Variants in ZNF384 observed in about 807,000 individuals in gnomAD.
ZNF384 encodes the protein CAG repeat protein 1.
A neutral mutation model predicts 65.0 loss-of-function variants in ZNF384; 20 were observed. That is an observed-to-expected ratio of 0.31 (90% confidence interval 0.22 to 0.45). The LOEUF (loss-of-function observed/expected upper bound fraction) is 0.45. Ranked by LOEUF, ZNF384 falls within the 20% of genes least tolerant of loss-of-function variation. The pLI, the probability that ZNF384 is intolerant of heterozygous loss-of-function variation, is 1.00. For missense variants in ZNF384, 549 were observed against 769.4 expected (o/e 0.71, Z 3.39); for synonymous variants, 310 against 303.9 (o/e 1.02, Z -0.21).
chr12:6,678,820 C>T lies in ZNF384; in HGVS notation c.305-110G>A. The T allele has an allele frequency of 3.4e-6, 5 of 1,481,948 alleles. No individual in the cohort carries two copies. In the South Asian group the frequency reaches 4.6e-5, roughly 14 times the overall value. The allele number at this position is 1,481,948 out of a possible 1,614,324, so 91.8% of individuals were successfully genotyped here. On this transcript the variant is annotated intron_variant, in intron 4 of 11. Coordinates refer to ENST00000683879, the MANE Select transcript of ZNF384 (RefSeq NM_001385745.1). The surrounding 1 kb of genome is among the most constrained non-coding windows in gnomAD (Gnocchi z 4.9). ...CACATTGCTAGGCACACAGTAGGCACTTAATAAAAATTTGATTGAATAATC... is the reference window on the plus strand; with the variant it reads ...CACATTGCTAGGCACACAGTAGGCATTTAATAAAAATTTGATTGAATAATC...
intron 6 of ZNF384, among the ~76,000 whole-genome samples, chr12:6,677,753 TAG>T (rs763993932): frequency 5.9e-5 from 9 of 152,112 alleles, no homozygotes; most frequent in South Asian, 4.2e-4. Context: ...AGGTGCTTAC[TAG>T]AAAGGTTTCT....
chr12:6,678,154 T>A lies in ZNF384; in HGVS notation c.659A>T (p.Asp220Val). 6.2e-7 allele frequency: 1 copy of A among 1,613,194 alleles called. No individual in the cohort carries two copies. The highest frequency in any genetic ancestry group is 8.5e-7 in the Non-Finnish European group (1 of 1,179,272). Residue 220 changes from aspartate (D) to valine (V), a missense_variant, in exon 6 of 12, where the codon GAC becomes GTC. Asp to Val is a radical substitution (Grantham distance 152). This residue lies in a region of ZNF384 where 277 missense variants were observed against 337.2 expected (regional missense o/e 0.82). Coordinates refer to ENST00000683879, the MANE Select transcript of ZNF384 (RefSeq NM_001385745.1). The surrounding 1 kb of genome is among the most constrained non-coding windows in gnomAD (Gnocchi z 4.9). ...PYVLSPEDDD[D>V]HQKDGKTYRS... is the part of the protein sequence containing the mutation. ...GTAGGTCTTGCCGTCTTTCTGATGGTCATCATCATCCTCAGGGGAGAGGAC... is the reference window on the plus strand; with the variant it reads ...GTAGGTCTTGCCGTCTTTCTGATGGACATCATCATCCTCAGGGGAGAGGAC...
At chr12:6,684,287 G>A (rs1957141523) in intron 2 of ZNF384, among the ~76,000 whole-genome samples, 1 of 152,162 alleles carries the variant, frequency 6.6e-6, no homozygotes, top group Non-Finnish European at 1.5e-5. Flanking sequence ...CCATATAACT[G>A]TAGTACACAC....
In ZNF384 at chr12:6,667,444, G is replaced by A. The variant is rs552271215; in HGVS notation, c.*270C>T. The A allele has an allele frequency of 2.3e-5, 13 of 570,248 alleles. No individual in the cohort carries two copies. The highest frequency in any genetic ancestry group is 6.2e-5 in the East Asian group (2 of 32,516). 35.3% of individuals were successfully genotyped at this position (570,248 alleles called of 1,614,324 possible). On this transcript the variant is annotated 3_prime_UTR_variant, in exon 12 of 12. Coordinates refer to ENST00000683879, the MANE Select transcript of ZNF384 (RefSeq NM_001385745.1). ...ATAGCAAATCCTTCCCTTGAGCACC[G>A]ACCCCCAGTTTTAGAAGCTTTGCTT...
intron 2 of ZNF384, among the ~76,000 whole-genome samples, chr12:6,679,886 A>T (rs1955262341): frequency 6.6e-6 from 1 of 152,230 alleles, no homozygotes; most frequent in Admixed American, 6.5e-5. Context: ...CAAAAAACAA[A>T]TCACTGACTG....
intron 10 of ZNF384, among the ~76,000 whole-genome samples, chr12:6,669,532 C>T (rs1467840701): frequency 2.0e-5 from 3 of 151,300 alleles, no homozygotes; most frequent in Non-Finnish European, 2.9e-5. Flanking sequence ...AAGTCTCTCA[C>T]TCTGTCGCTC....
At chr12:6,681,244 A>G (rs1388001046) in intron 2 of ZNF384, among the ~76,000 whole-genome samples, 3 of 152,124 alleles carry the variant, frequency 2.0e-5, no homozygotes, top group Admixed American at 6.6e-5. Flanking sequence ...CTGAGAAACA[A>G]GAAGAAAAGT....
In ZNF384 at chr12:6,666,616, C is replaced by T. The variant is rs1477562664; in HGVS notation, c.*1098G>A. ...GATTTTTTTTTTAATTTCCTTTCCT[C>T]TGAAATCTGCCATGATTTAAAAAAA... On this transcript the variant is annotated 3_prime_UTR_variant, in exon 12 of 12. Transcript: ENST00000683879. The T allele has an allele frequency of 1.4e-5, 2 of 146,036 alleles. No homozygotes were observed. The highest frequency in any genetic ancestry group is 7.7e-5 in the Admixed American group (1 of 13,042). 9.0% of individuals were successfully genotyped at this position (146,036 alleles called of 1,614,324 possible).
rs142264339 is a variant in ZNF384, at chr12:6,679,000, C to T, written c.250G>A (p.Val84Ile). 37 of 1,613,928 alleles carry T rather than the reference C, an allele frequency of 2.3e-5. No individual in the cohort carries two copies. The highest frequency in any genetic ancestry group is 2.8e-5 in the Non-Finnish European group (33 of 1,180,004). Residue 84 changes from valine (V) to isoleucine (I), a missense_variant, in exon 4 of 12, where the codon GTT (valine) becomes ATT (isoleucine). By Grantham distance (29) the Val-to-Ile change is conservative. Transcript: ENST00000683879. The surrounding 1 kb of genome is among the most constrained non-coding windows in gnomAD (Gnocchi z 4.9). ...DQLTPHSQAS[V>I]TQNITVVPVP... Reference sequence around the variant, plus strand: ...GGGACCACCGTGATATTCTGGGTAACGGACGCTTGGCTGTGTGGGGTCAGC... The same window carrying T: ...GGGACCACCGTGATATTCTGGGTAATGGACGCTTGGCTGTGTGGGGTCAGC...
chr12:6,688,056 T>G (rs1565449574), intron 2 of ZNF384, 111 bp downstream of exon 2: 1 of 152,556 alleles, frequency 6.6e-6, no homozygotes, highest in East Asian at 1.9e-4. Flanking sequence ...GCATTACAAT[T>G]GCTATTACTT....
At position 6,678,836 on chromosome 12, in the gene ZNF384, T is replaced by C; in HGVS notation, c.304+110A>G. The C allele has an allele frequency of 6.8e-7, 1 of 1,474,758 alleles. No homozygotes were observed. Among genetic ancestry groups the C allele is most frequent in the Non-Finnish European group, 9.4e-7 (1 of 1,062,838 alleles). The allele number at this position is 1,474,758 out of a possible 1,614,324, so 91.4% of individuals were successfully genotyped here. A position where few individuals can be genotyped will look rare whatever the true frequency, so the allele number is the denominator to read the frequency against. On this transcript the variant is annotated intron_variant, in intron 4 of 11. Transcript: ENST00000683879. The surrounding 1 kb of genome is among the most constrained non-coding windows in gnomAD (Gnocchi z 4.9). Reference sequence around the variant, plus strand: ...CAGTAGGCACTTAATAAAAATTTGATTGAATAATCAAACACATATCCCACT... The same window carrying C: ...CAGTAGGCACTTAATAAAAATTTGACTGAATAATCAAACACATATCCCACT...
At chr12:6,684,712 T>A (rs1016867852) in intron 2 of ZNF384, among the ~76,000 whole-genome samples, 2 of 151,944 alleles carry the variant, frequency 1.3e-5, no homozygotes, top group Non-Finnish European at 2.9e-5. Flanking sequence ...ACCAGCAAAA[T>A]GACACCTGAG....
chr12:6,669,348 G>A (rs1950615811), intron 10 of ZNF384, among the ~76,000 whole-genome samples, 159 bp from the exon 11 acceptor site: 1 of 152,178 alleles, frequency 6.6e-6, no homozygotes. Flanking sequence ...AGAAGCTACA[G>A]GCTAAGGGTG....
chr12:6,677,578 A>C (rs1954146122), intron 6 of ZNF384, among the ~76,000 whole-genome samples: 1 of 152,236 alleles, frequency 6.6e-6, no homozygotes, highest in South Asian at 2.1e-4. Context: ...ACTTTCATAA[A>C]TTAGAAAGTG....
At chr12:6,682,036 A>C (rs1956148597) in intron 2 of ZNF384, among the ~76,000 whole-genome samples, 1 of 151,844 alleles carries the variant, frequency 6.6e-6, no homozygotes, top group Non-Finnish European at 1.5e-5. Flanking sequence ...TCATGCTTGT[A>C]ATCTCAACAC....
rs114731868 is a variant in ZNF384 at position 6,681,312 on chromosome 12, C to T, written c.-5-1787G>A. Among the ~76,000 whole-genome samples, 588 of 152,180 alleles carry T rather than the reference C, an allele frequency of 3.9e-3. 3 individuals are homozygous for T. Among genetic ancestry groups the T allele is most frequent in the African/African-American group, 0.014 (568 of 41,520 alleles). On this transcript the variant is annotated intron_variant, in intron 2 of 11. Transcript: ENST00000683879. ...TGGGTACAGAACACAGGCATCCCAC[C>T]ACCCAGTTTCACATTCTGATCACTT...
intron 2 of ZNF384, 98 bp from the exon 3 acceptor site, chr12:6,679,623 C>T: frequency 2.3e-6 from 2 of 875,606 alleles, no homozygotes; most frequent in Admixed American, 4.1e-5. Flanking sequence ...TCTCCTCTGG[C>T]ACCTGATCAC....
Position 6,672,613 on chromosome 12 carries a change from C to T in ZNF384, c.1005-81G>A, listed in dbSNP as rs2136609968. 5.0e-6 allele frequency: 7 copies of T among 1,406,560 alleles called. No individual in the cohort carries two copies. The highest frequency in any genetic ancestry group is 2.4e-5 in the East Asian group (1 of 41,612). The allele number at this position is 1,406,560 out of a possible 1,614,324, so 87.1% of individuals were successfully genotyped here. ...CTCAGCTCTCTGCTGGGTGAAATGA[C>T]GTTGCTTGACGGATGAGAGCACCCC... On this transcript the variant is annotated intron_variant, in intron 8 of 11. Transcript: ENST00000683879. This position sits in a 1 kb window ranked among gnomAD's most constrained non-coding sequence, Gnocchi z 4.4.
At chr12:6,676,373 A>G (rs977154988) in intron 7 of ZNF384, among the ~76,000 whole-genome samples, 1 of 152,256 alleles carries the variant, frequency 6.6e-6, no homozygotes, top group African/African-American at 2.4e-5. Flanking sequence ...CTAGGATACA[A>G]TAAGTCTCCC....
Sources: gnomAD v4.1 joint callset for allele counts (sites outside exome capture counted in the v4.1 genomes callset) on GRCh38, gnomAD v4.1.1 for gene constraint, gnomAD v4.1.1 regional missense constraint, Gnocchi (gnomAD v3.1) non-coding constraint, MANE v1.5 for transcripts, NCBI Gene and HGNC (gene_info 2026-07-23, HGNC 2026-07-21) for gene names.